Variants in HMGB1 observed in about 807,000 individuals in gnomAD.
HMGB1 encodes high mobility group protein B1.
For missense variants in HMGB1, 79 were observed against 253.5 expected (o/e 0.31, Z 4.67); for synonymous variants, 81 against 84.0 (o/e 0.96, Z 0.19).
chr13:30,553,690 G>A (rs1415573994), intron 1 of HMGB1: 55 of 863,540 alleles, frequency 6.4e-5, no homozygotes, highest in East Asian at 1.8e-4. Context: ...ATCATTGAGC[G>A]GGAGTTCAAG....
intron 1 of HMGB1, among the ~76,000 whole-genome samples, chr13:30,538,891 G>GTGTTT (rs879705006): frequency 1.4e-3 from 212 of 150,944 alleles, no homozygotes; most frequent in Non-Finnish European, 1.9e-3. Context: ...TGGCCCAAAG[G>GTGTTT]TGTTTTGTTT....
At chr13:30,547,595 G>A (rs988088076) in intron 1 of HMGB1, among the ~76,000 whole-genome samples, 2 of 152,102 alleles carry the variant, frequency 1.3e-5, no homozygotes, top group Non-Finnish European at 2.9e-5. Flanking sequence ...AACACCATGG[G>A]AAAAGAGTCC....
intron 1 of HMGB1, among the ~76,000 whole-genome samples, chr13:30,575,790 C>G (rs113599044): frequency 2.6e-5 from 4 of 152,248 alleles, no homozygotes; most frequent in African/African-American, 9.6e-5. Context: ...GTGACACCTG[C>G]CTGTAGTCCA....
intron 1 of HMGB1, among the ~76,000 whole-genome samples, chr13:30,499,261 G>A (rs1026776256): frequency 1.3e-5 from 2 of 152,142 alleles, no homozygotes; most frequent in African/African-American, 4.8e-5. Context: ...AATGTGCCCA[G>A]CCTGGAATCA....
chr13:30,490,388 G>C (rs1887459950), intron 1 of HMGB1, among the ~76,000 whole-genome samples: 1 of 152,164 alleles, frequency 6.6e-6, no homozygotes, highest in African/African-American at 2.4e-5. Flanking sequence ...GGGAGGCCGA[G>C]GTGGGCAGAT....
intron 1 of HMGB1, among the ~76,000 whole-genome samples, chr13:30,536,808 G>A (rs955808379): frequency 3.3e-5 from 5 of 151,428 alleles, no homozygotes; most frequent in African/African-American, 1.2e-4. Flanking sequence ...GGTTCCTATC[G>A]CTATTTGTCA....
At chr13:30,597,063 G>A (rs1871646029) in intron 1 of HMGB1, among the ~76,000 whole-genome samples, 1 of 152,180 alleles carries the variant, frequency 6.6e-6, no homozygotes, top group South Asian at 2.1e-4. Context: ...GTAAAACAAA[G>A]GCTTAGAAGA....
intron 1 of HMGB1, among the ~76,000 whole-genome samples, chr13:30,472,916 C>T: frequency 6.7e-6 from 1 of 150,018 alleles, no homozygotes; most frequent in East Asian, 2.0e-4. Context: ...AAGAAGAGAG[C>T]ACAGGTTTGT....
chr13:30,493,047 G>A (rs1358499771), intron 1 of HMGB1, among the ~76,000 whole-genome samples: 2 of 149,162 alleles, frequency 1.3e-5, no homozygotes, highest in Non-Finnish European at 3.0e-5. Flanking sequence ...ATTCAACCTC[G>A]TCGTTCTGCC....
intron 1 of HMGB1, among the ~76,000 whole-genome samples, chr13:30,571,498 G>C (rs1006966229): frequency 3.9e-5 from 6 of 152,096 alleles, no homozygotes; most frequent in Non-Finnish European, 8.8e-5. Context: ...GTTTCACCAT[G>C]CTGGCCAGGC....
At chr13:30,497,632 T>G (rs1364782530) in intron 1 of HMGB1, among the ~76,000 whole-genome samples, 1 of 152,110 alleles carries the variant, frequency 6.6e-6, no homozygotes, top group Admixed American at 6.6e-5. Flanking sequence ...TAGGCCCCAG[T>G]GTCTCTTGTT....
intron 1 of HMGB1, among the ~76,000 whole-genome samples, chr13:30,476,118 C>CT (rs71093065): frequency 0.13 from 14,176 of 109,412 alleles, 1,447 homozygotes; most frequent in East Asian, 0.38. Context: ...GTGGCATGTA[C>CT]TTTTTTTTTT....
At chr13:30,504,895 G>A (rs1453798389) in intron 1 of HMGB1, among the ~76,000 whole-genome samples, 3 of 151,782 alleles carry the variant, frequency 2.0e-5, no homozygotes, top group African/African-American at 7.3e-5. Context: ...AAATAATTAC[G>A]TTTATCACAT....
chr13:30,470,971 A>ATT (rs1167350265), intron 1 of HMGB1, among the ~76,000 whole-genome samples: 13 of 144,750 alleles, frequency 9.0e-5, no homozygotes, highest in African/African-American at 2.7e-4. Flanking sequence ...TTATTTATTT[A>ATT]TATTTAATTA....
chr13:30,551,890 G>A (rs914616087), intron 1 of HMGB1, among the ~76,000 whole-genome samples: 2 of 151,924 alleles, frequency 1.3e-5, no homozygotes, highest in African/African-American at 4.8e-5. Flanking sequence ...TGTATTTTCT[G>A]TAGAGACGGG....
At chr13:30,533,265 C>T (rs894522098) in intron 1 of HMGB1, among the ~76,000 whole-genome samples, 10 of 152,252 alleles carry the variant, frequency 6.6e-5, no homozygotes, top group Non-Finnish European at 1.3e-4. Context: ...AGAGACTTCA[C>T]AGTCTGGTGC....
chr13:30,597,799 C>A (rs35870610), intron 1 of HMGB1, among the ~76,000 whole-genome samples: 2 of 152,176 alleles, frequency 1.3e-5, no homozygotes, highest in South Asian at 2.1e-4. Context: ...CTCATCCCAA[C>A]GGACTACAGG....
At chr13:30,597,076 T>C (rs1030768526) in intron 1 of HMGB1, among the ~76,000 whole-genome samples, 4 of 152,240 alleles carry the variant, frequency 2.6e-5, no homozygotes, top group Non-Finnish European at 1.5e-5. Flanking sequence ...TTAGAAGATA[T>C]TATGGGTTAG....
At chr13:30,551,387 T>C (rs1215285470) in intron 1 of HMGB1, among the ~76,000 whole-genome samples, 1 of 152,232 alleles carries the variant, frequency 6.6e-6, no homozygotes, top group African/African-American at 2.4e-5. Flanking sequence ...TTGACTCTTC[T>C]GCCCTCTGCA....
Sources: gnomAD v4.1 joint callset for allele counts (sites outside exome capture counted in the v4.1 genomes callset) on GRCh38, gnomAD v4.1.1 for gene constraint, MANE v1.5 for transcripts, NCBI Gene and HGNC (gene_info 2026-07-23, HGNC 2026-07-21) for gene names.